DLG2: variants seen among roughly 807,000 people sequenced by gnomAD.
The protein encoded by DLG2 is discs large MAGUK scaffold protein 2, also known as disks large homolog 2.
DLG2 carries 45 observed loss-of-function variants against 132.5 expected under a neutral mutation model. The ratio of observed to expected loss-of-function variants is 0.34; its 90% CI spans 0.27 to 0.44. DLG2 has a LOEUF of 0.44. Among genes scored for constraint, DLG2 ranks in the 20% least tolerant of loss-of-function variants. The probability of loss-of-function intolerance (pLI) is 1.00; values close to 1 mark genes in which losing one functional copy is unlikely to be tolerated. For missense variants in DLG2, 1,045 were observed against 1,196.9 expected (o/e 0.87, Z 1.87); for synonymous variants, 424 against 419.6 (o/e 1.01, Z -0.13).
At chr11:85,554,987 C>T (rs1264646064) in intron 3 of DLG2, among the ~76,000 whole-genome samples, 1 of 148,860 alleles carries the variant, frequency 6.7e-6, no homozygotes, top group African/African-American at 2.6e-5. Context: ...ATTCCCTAGC[C>T]CCCCTGCCCA....
At chr11:84,580,098 G>C (rs2099512885) in intron 6 of DLG2, among the ~76,000 whole-genome samples, 1 of 152,108 alleles carries the variant, frequency 6.6e-6, no homozygotes, top group African/African-American at 2.4e-5. Flanking sequence ...GGGAGGAACT[G>C]GGCTACTGAT....
intron 6 of DLG2, among the ~76,000 whole-genome samples, chr11:84,542,259 T>G (rs1169138876): frequency 6.6e-6 from 1 of 152,156 alleles, no homozygotes; most frequent in Non-Finnish European, 1.5e-5. Flanking sequence ...ATACTATCCA[T>G]GAACGCTTTG....
At chr11:84,711,009 G>GATATATATATATATATATATAGAT (rs2060330673) in intron 6 of DLG2, among the ~76,000 whole-genome samples, 4 of 89,052 alleles carry the variant, frequency 4.5e-5, no homozygotes, top group Admixed American at 1.1e-4. Context: ...TATATATATA[G>GATATATATATATATATATATAGAT]ATATATATAT....
chr11:84,461,750 T>C (rs1227202132), intron 7 of DLG2, among the ~76,000 whole-genome samples: 2 of 149,516 alleles, frequency 1.3e-5, no homozygotes, highest in Non-Finnish European at 3.0e-5. Flanking sequence ...AATCAATGTA[T>C]ACTGAATTTT....
chr11:85,624,310 A>G (rs565151107), intron 2 of DLG2, among the ~76,000 whole-genome samples: 1 of 152,366 alleles, frequency 6.6e-6, no homozygotes, highest in South Asian at 2.1e-4. Context: ...TGGTATCAGT[A>G]AAAGAATCTC....
rs771812946 is a variant in DLG2, at chr11:84,163,508, T to C, written c.577A>G (p.Asn193Asp). ...TDTLDTIPYVNGTEIEYEFEE... is the reference protein window; with the variant it reads ...TDTLDTIPYVDGTEIEYEFEE... Reference sequence around the variant, plus strand: ...AATTCATATTCAATTTCTGTCCCATTGACCTGTAAATAGGGAAAAAATAAG... The same window carrying C: ...AATTCATATTCAATTTCTGTCCCATCGACCTGTAAATAGGGAAAAAATAAG... The change falls in exon 9 of 28, where the codon AAT (asparagine) becomes GAT (aspartate). Residue 193 changes from asparagine (N) to aspartate (D), a missense_variant. Physicochemically the swap from Asn to Asp is conservative, Grantham distance 23. Around this residue, in one of 4 missense-constraint regions of DLG2, gnomAD observed 277 missense variants for 238.2 expected, o/e 1.16. Transcript: ENST00000376104. 6.2e-7 allele frequency: 1 copy of C among 1,605,616 alleles called. No homozygotes were observed. The highest frequency in any genetic ancestry group is 8.5e-7 in the Non-Finnish European group (1 of 1,176,876).
intron 10 of DLG2, among the ~76,000 whole-genome samples, chr11:84,079,224 C>CAAGTTACA (rs997282341): frequency 2.6e-5 from 4 of 151,616 alleles, no homozygotes; most frequent in African/African-American, 9.7e-5. Flanking sequence ...CACCTTAGTT[C>CAAGTTACA]AAGTTACAAT....
intron 3 of DLG2, among the ~76,000 whole-genome samples, chr11:85,451,514 A>G (rs1292914252): frequency 6.6e-6 from 1 of 152,198 alleles, no homozygotes; most frequent in Non-Finnish European, 1.5e-5. Flanking sequence ...AGTGGTCTGG[A>G]ACTGAAATCA....
chr11:83,585,393 T>C (rs78435700), intron 19 of DLG2, among the ~76,000 whole-genome samples: 2,053 of 152,316 alleles, frequency 0.013, 48 homozygotes, highest in African/African-American at 0.046. Flanking sequence ...TATAAAGAGA[T>C]AGCTTGTGTA....
chr11:85,546,723 T>C (rs968142295), intron 3 of DLG2, among the ~76,000 whole-genome samples: 1 of 152,034 alleles, frequency 6.6e-6, no homozygotes, highest in Non-Finnish European at 1.5e-5. Flanking sequence ...TCTGGTTGCA[T>C]TGATCCTTTT....
intron 3 of DLG2, among the ~76,000 whole-genome samples, chr11:85,591,396 G>A (rs1294878514): frequency 2.0e-5 from 3 of 152,074 alleles, no homozygotes; most frequent in Admixed American, 6.6e-5. Flanking sequence ...ACTCTCCTTT[G>A]AACGTACATC....
intron 3 of DLG2, among the ~76,000 whole-genome samples, chr11:85,291,585 CT>C (rs11436726): frequency 0.13 from 18,586 of 138,648 alleles, 1,620 homozygotes; most frequent in East Asian, 0.3. Flanking sequence ...GGATTCTCTT[CT>C]TTTTTTTTTT....
At chr11:83,715,964 T>G (rs1200021677) in intron 18 of DLG2, among the ~76,000 whole-genome samples, 2 of 152,194 alleles carry the variant, frequency 1.3e-5, no homozygotes, top group African/African-American at 4.8e-5. Flanking sequence ...TAGGAGCCTA[T>G]AAGACTCCCA....
intron 9 of DLG2, among the ~76,000 whole-genome samples, chr11:84,104,384 C>T (rs751985974): frequency 2.6e-5 from 4 of 151,698 alleles, no homozygotes; most frequent in Non-Finnish European, 4.4e-5. Context: ...TACACATGAA[C>T]ATAAAGATGG....
At chr11:85,216,887 G>A (rs1350329609) in intron 4 of DLG2, among the ~76,000 whole-genome samples, 1 of 151,856 alleles carries the variant, frequency 6.6e-6, no homozygotes, top group Non-Finnish European at 1.5e-5. Flanking sequence ...TTAGAGACGG[G>A]GTTTCACTAT....
intron 7 of DLG2, among the ~76,000 whole-genome samples, chr11:84,366,337 T>C (rs1226575251): frequency 9.9e-5 from 15 of 151,818 alleles, no homozygotes; most frequent in African/African-American, 3.1e-4. Context: ...AAGGAACAAC[T>C]GGTACCAGCC....
At chr11:83,676,586 CTTATCTCAT>C (rs1452555126) in intron 18 of DLG2, among the ~76,000 whole-genome samples, 1 of 152,114 alleles carries the variant, frequency 6.6e-6, no homozygotes, top group African/African-American at 2.4e-5. Context: ...GGGAAATAAA[CTTATCTCAT>C]TTATATCTTC....
intron 18 of DLG2, among the ~76,000 whole-genome samples, chr11:83,784,176 T>C (rs1019460848): frequency 3.3e-5 from 5 of 152,224 alleles, no homozygotes; most frequent in African/African-American, 1.2e-4. Flanking sequence ...ACTTACAATA[T>C]GGGTGCAGAT....
At chr11:84,277,909 T>C (rs932092141) in intron 7 of DLG2, among the ~76,000 whole-genome samples, 1 of 152,168 alleles carries the variant, frequency 6.6e-6, no homozygotes, top group South Asian at 2.1e-4. Context: ...TCTTTATGTA[T>C]GTAGGTATAT....
Sources: allele counts gnomAD v4.1 joint callset (sites outside exome capture counted in the v4.1 genomes callset), GRCh38; gene constraint gnomAD v4.1.1; regional missense constraint gnomAD v4.1.1; transcripts MANE v1.5; gene names NCBI Gene and HGNC (gene_info 2026-07-23, HGNC 2026-07-21).